Variants in KIAA1217 observed in about 807,000 individuals in gnomAD.
KIAA1217 encodes sickle tail protein homolog.
Under a neutral mutation model 163.9 loss-of-function variants are expected in KIAA1217, and 88 were observed. That is an observed-to-expected ratio of 0.54 (90% CI 0.45 to 0.64). The LOEUF (loss-of-function observed/expected upper bound fraction) is 0.64. KIAA1217 is among the 30% of genes least tolerant of loss of function. The pLI is 0.00. For synonymous variants in KIAA1217, 903 were observed against 923.1 expected (o/e 0.98, Z 0.39); for missense variants, 2,372 against 2,475.0 (o/e 0.96, Z 0.88).
Position 24,494,572 on chromosome 10 carries a change from G to A in KIAA1217, c.1752G>A (p.Gly584=). The A allele has an allele frequency of 6.2e-7, 1 of 1,613,630 alleles. No individual in the cohort carries two copies. Among genetic ancestry groups the A allele is most frequent in the Non-Finnish European group, 8.5e-7 (1 of 1,179,748 alleles). ...TGLVQSALFK[G]PITSYSKDAS... ...TTGTTCAGTCTGCGCTTTTTAAAGG[G>A]CCCATTACAAGTTATAGCAAAGATG... The change falls in exon 7 of 21, where the codon GGG becomes GGA. Residue 584 remains glycine, a synonymous_variant. Transcript: ENST00000376454.
At chr10:23,862,601 T>C (rs1486979093) in intron 1 of KIAA1217, among the ~76,000 whole-genome samples, 8 of 152,122 alleles carry the variant, frequency 5.3e-5, no homozygotes, top group Non-Finnish European at 1.0e-4. Flanking sequence ...CCAAACAGAT[T>C]GAAAACAGTA....
intron 1 of KIAA1217, among the ~76,000 whole-genome samples, chr10:23,804,540 G>A (rs1386832571): frequency 1.3e-5 from 2 of 152,184 alleles, no homozygotes; most frequent in East Asian, 3.9e-4. Flanking sequence ...CATTTTTTAA[G>A]ACAGAGAATG....
chr10:23,901,351 A>G (rs1474839156), intron 1 of KIAA1217, among the ~76,000 whole-genome samples: 1 of 152,146 alleles, frequency 6.6e-6, no homozygotes, highest in Non-Finnish European at 1.5e-5. Context: ...AAAAAATTCC[A>G]TAGTAATACA....
chr10:23,942,004 G>A (rs952129197), intron 1 of KIAA1217, among the ~76,000 whole-genome samples: 2 of 152,054 alleles, frequency 1.3e-5, no homozygotes, highest in Non-Finnish European at 2.9e-5. Flanking sequence ...GATCTACACC[G>A]CACAGAGGAA....
intron 1 of KIAA1217, among the ~76,000 whole-genome samples, chr10:24,210,755 A>G (rs2130637078): frequency 6.6e-6 from 1 of 152,300 alleles, no homozygotes; most frequent in South Asian, 2.1e-4. Context: ...AACAAAGCAG[A>G]CTAAAAATAC....
intron 1 of KIAA1217, among the ~76,000 whole-genome samples, chr10:23,720,181 G>C (rs529533644): frequency 6.6e-6 from 1 of 151,996 alleles, no homozygotes; most frequent in South Asian, 2.1e-4. Context: ...TTTATGTTAC[G>C]TGGTTTCCAC....
At chr10:24,136,470 C>G (rs2063836073) in intron 2 of KIAA1217, among the ~76,000 whole-genome samples, 1 of 138,242 alleles carries the variant, frequency 7.2e-6, no homozygotes, top group Non-Finnish European at 1.6e-5. Context: ...ATAAGTTATT[C>G]TTACTATGAT....
At chr10:24,204,935 CTTCT>C (rs796127078), upstream of KIAA1217, among the ~76,000 whole-genome samples, 33 of 152,250 alleles carry the variant, frequency 2.2e-4, no homozygotes, top group African/African-American at 6.0e-4. Flanking sequence ...CTTTTGTTGA[CTTCT>C]TTGTTTTTCA....
intron 2 of KIAA1217, among the ~76,000 whole-genome samples, chr10:24,237,285 A>T (rs916203328): frequency 1.3e-5 from 2 of 152,190 alleles, no homozygotes; most frequent in African/African-American, 4.8e-5. Flanking sequence ...GTTGCCAAAC[A>T]CTTTCCCAGC....
intron 1 of KIAA1217, among the ~76,000 whole-genome samples, chr10:23,997,740 T>C (rs1324598947): frequency 6.6e-6 from 1 of 152,186 alleles, no homozygotes; most frequent in Non-Finnish European, 1.5e-5. Context: ...ATGGAGGGAA[T>C]TAAAGGCTTC....
At chr10:24,282,473 C>G (rs1042137818) in intron 2 of KIAA1217, among the ~76,000 whole-genome samples, 16 of 152,222 alleles carry the variant, frequency 1.1e-4, no homozygotes, top group Admixed American at 2.0e-4. Flanking sequence ...GTTTATTTAT[C>G]CCCCTGTGTT....
intron 1 of KIAA1217, among the ~76,000 whole-genome samples, chr10:23,740,923 G>A (rs1472427016): frequency 1.3e-5 from 2 of 152,100 alleles, no homozygotes; most frequent in African/African-American, 4.8e-5. Flanking sequence ...GCAAGACTCT[G>A]TCTCAAAAAC....
rs763393210 is a variant in KIAA1217, at chr10:24,546,040, T to A, written c.5548T>A (p.Ser1850Thr). The A allele has an allele frequency of 6.1e-5, 99 of 1,614,110 alleles. No individual in the cohort carries two copies. The highest frequency in any genetic ancestry group is 7.6e-5 in the Non-Finnish European group (90 of 1,180,054). The part of the protein sequence containing the change: ...LSPQTGPPAH[S>T]ASLIPSVSNG... ...CCCCCAAACAGGACCACCTGCTCAC[T>A]CTGCCTCCCTCATCCCTTCTGTCTC... The change falls in exon 21 of 21, where the codon TCT (serine) becomes ACT (threonine). Residue 1850 changes from serine to threonine, a missense_variant. By Grantham distance (58) the Ser-to-Thr change is moderately conservative (BLOSUM62 1). Coordinates refer to ENST00000376454, the MANE Select transcript of KIAA1217 (RefSeq NM_019590.5).
chr10:23,750,216 A>T (rs527354973), intron 1 of KIAA1217, among the ~76,000 whole-genome samples: 1 of 152,292 alleles, frequency 6.6e-6, no homozygotes, highest in African/African-American at 2.4e-5. Context: ...TGATCATGTC[A>T]TTCTTCTGCT....
At chr10:24,510,294 A>C (rs2068924651) in intron 9 of KIAA1217, among the ~76,000 whole-genome samples, 3 of 152,202 alleles carry the variant, frequency 2.0e-5, no homozygotes, top group South Asian at 2.1e-4. Context: ...ATATTCCACC[A>C]ATAATTTCTA....
chr10:23,704,174 A>ATATG (rs1836714239), intron 1 of KIAA1217, among the ~76,000 whole-genome samples: 1 of 17,738 alleles, frequency 5.6e-5, no homozygotes, highest in East Asian at 2.6e-3. Context: ...GTGTGTGTGT[A>ATATG]TATATATATA....
intron 2 of KIAA1217, among the ~76,000 whole-genome samples, chr10:24,021,906 A>C (rs752952006): frequency 2.0e-5 from 3 of 151,788 alleles, no homozygotes; most frequent in Non-Finnish European, 4.4e-5. Flanking sequence ...ATATGAATCT[A>C]GACACAGTTC....
At chr10:24,465,466 T>A (rs946720534) in intron 5 of KIAA1217, among the ~76,000 whole-genome samples, 2 of 152,210 alleles carry the variant, frequency 1.3e-5, no homozygotes, top group Non-Finnish European at 2.9e-5. Context: ...TCTAAAAGCC[T>A]TAAAATGTTT....
chr10:24,157,058 G>C (rs2064909845), intron 2 of KIAA1217, among the ~76,000 whole-genome samples: 1 of 152,180 alleles, frequency 6.6e-6, no homozygotes, highest in Admixed American at 6.5e-5. Flanking sequence ...CATATAGGAA[G>C]TACGCGTTTC....
Sources: gnomAD v4.1 joint callset for allele counts (sites outside exome capture counted in the v4.1 genomes callset) on GRCh38, gnomAD v4.1.1 for gene constraint, MANE v1.5 for transcripts, NCBI Gene and HGNC (gene_info 2026-07-23, HGNC 2026-07-21) for gene names.